The following KAT6A variants were observed in gnomAD, a reference collection of about 807,000 sequenced individuals.
The protein encoded by KAT6A is histone acetyltransferase KAT6A.
A neutral mutation model predicts 198.4 loss-of-function variants in KAT6A; 9 were observed. The ratio of observed to expected loss-of-function variants is 0.05; its 90% CI spans 0.03 to 0.08. KAT6A has a LOEUF of 0.08. Among genes scored for constraint, KAT6A ranks in the 10% least tolerant of loss-of-function variants. The pLI is 1.00. For missense variants in KAT6A, 2,077 were observed against 2,509.9 expected (o/e 0.83, Z 3.69); for synonymous variants, 890 against 883.0 (o/e 1.01, Z -0.14).
At chr8:41,960,362 G>C (rs761417465) in intron 8 of KAT6A, among the ~76,000 whole-genome samples, 1 of 151,944 alleles carries the variant, frequency 6.6e-6, no homozygotes, top group African/African-American at 2.4e-5. Flanking sequence ...GGCGGATCAC[G>C]ATCGAGACCA....
chr8:42,015,526 A>T (rs1396475261), intron 2 of KAT6A, among the ~76,000 whole-genome samples: 1 of 152,242 alleles, frequency 6.6e-6, no homozygotes, highest in Non-Finnish European at 1.5e-5. Flanking sequence ...CTTACAAATT[A>T]GTGATCTAGA....
Position 42,004,111 on chromosome 8 carries a change from G to C in KAT6A, c.601-16548C>G, listed in dbSNP as rs182685440. On this transcript the variant is annotated intron_variant, in intron 2 of 16. Transcript: ENST00000265713. ...ATCTTTAGTATTTATTGTGTATAAGGATATTTAGTTAGGTGCTAGAGAAAC... is the reference window on the plus strand; with the variant it reads ...ATCTTTAGTATTTATTGTGTATAAGCATATTTAGTTAGGTGCTAGAGAAAC... Among the ~76,000 whole-genome samples, 97 of 152,216 alleles carry C rather than the reference G, an allele frequency of 6.4e-4. 1 individual carries two copies. The highest frequency in any genetic ancestry group is 1.2e-3 in the Admixed American group (19 of 15,292).
At chr8:41,940,788 G>A (rs960598832) in intron 15 of KAT6A, 54 bp downstream of exon 15, 2 of 1,558,292 alleles carry the variant, frequency 1.3e-6, no homozygotes, top group East Asian at 4.5e-5. Context: ...AAACGAGAAG[G>A]TGTAAGATAA....
chr8:42,039,555 AT>A (rs1827537901), intron 2 of KAT6A, among the ~76,000 whole-genome samples: 1 of 152,190 alleles, frequency 6.6e-6, no homozygotes, highest in African/African-American at 2.4e-5. Flanking sequence ...AGTTCCTGTT[AT>A]GTATTTGCTC....
intron 2 of KAT6A, among the ~76,000 whole-genome samples, chr8:42,031,037 AAG>A (rs1491182505): frequency 1.1e-5 from 1 of 93,442 alleles, no homozygotes; most frequent in Non-Finnish European, 2.3e-5. Flanking sequence ...AAAAAAAAAA[AAG>A]GGGGGGGGGA....
chr8:42,037,668 T>C (rs1010463951), intron 2 of KAT6A, among the ~76,000 whole-genome samples: 7 of 149,456 alleles, frequency 4.7e-5, no homozygotes, highest in South Asian at 2.1e-4. Flanking sequence ...AAGAAGCAAC[T>C]ATCTTCTTTA....
rs1177917538 is a variant in KAT6A at position 41,947,931 on chromosome 8, C to G, written c.1741-19G>C. ...CATCAACCTAGAGAAATAAACAGAA[C>G]AAAACAGTCAGTAGAGGGTCTCTTT... On this transcript the variant is annotated intron_variant, in intron 10 of 16. Transcript: ENST00000265713. 2 of 1,569,738 alleles carry G rather than the reference C, an allele frequency of 1.3e-6. No individual in the cohort carries two copies. Among genetic ancestry groups the G allele is most frequent in the Non-Finnish European group, 1.7e-6 (2 of 1,162,482 alleles).
In KAT6A at chr8:41,978,758, T is replaced by C. The variant is rs755643481; in HGVS notation, c.927A>G (p.Ile309Met). The change falls in exon 6 of 17, where the codon ATA becomes ATG. Residue 309 changes from isoleucine (I) to methionine (M), a missense_variant. Ile to Met is a conservative substitution (Grantham distance 10). Coordinates refer to ENST00000265713, the MANE Select transcript of KAT6A (RefSeq NM_006766.5). ...RMPKGMWICQ[I>M]CRPRKKGRKL... Reference sequence around the variant, plus strand: ...TTCGTCCTTTTTTCCTAGGTCGACATATTTGACATATCCACATGCCTATAA... The same window carrying C: ...TTCGTCCTTTTTTCCTAGGTCGACACATTTGACATATCCACATGCCTATAA... The C allele has an allele frequency of 5.2e-5, 84 of 1,613,754 alleles. No individual in the cohort carries two copies. Among genetic ancestry groups the C allele is most frequent in the Non-Finnish European group, 6.9e-5 (81 of 1,179,870 alleles).
intron 2 of KAT6A, among the ~76,000 whole-genome samples, chr8:41,999,485 CTCTT>C (rs1305496248): frequency 3.9e-5 from 6 of 152,248 alleles, no homozygotes; most frequent in African/African-American, 1.2e-4. Flanking sequence ...ACTCCCTCTA[CTCTT>C]TCTTTGACTT....
intron 8 of KAT6A, among the ~76,000 whole-genome samples, chr8:41,968,861 GT>G (rs1823639478): frequency 6.6e-6 from 1 of 152,022 alleles, no homozygotes; most frequent in Non-Finnish European, 1.5e-5. Context: ...ATGGAACACA[GT>G]ACTAGGCAAA....
At chr8:41,939,565 C>T (rs185270273) in intron 15 of KAT6A, among the ~76,000 whole-genome samples, 18 of 152,292 alleles carry the variant, frequency 1.2e-4, no homozygotes, top group East Asian at 5.8e-4. Flanking sequence ...TATATGCCAA[C>T]AGGTACCCTT....
intron 2 of KAT6A, among the ~76,000 whole-genome samples, chr8:41,990,988 C>CCT (rs1456123409): frequency 2.0e-5 from 2 of 98,918 alleles, no homozygotes; most frequent in Non-Finnish European, 3.7e-5. Context: ...GGGCGAGACT[C>CCT]CGTCTCAAAA....
rs909750210 is a variant in KAT6A, at chr8:41,987,652, C to G, written c.601-89G>C. On this transcript the variant is annotated intron_variant, in intron 2 of 16. Coordinates refer to ENST00000265713, the MANE Select transcript of KAT6A (RefSeq NM_006766.5). ...TCAAAATTATAGTTTTAAATTCCTA[C>G]CAGAGTAAGTTTAGGACAATTGTAT... 3.9e-5 allele frequency: 32 copies of G among 829,120 alleles called. 1 individual carries two copies. Among genetic ancestry groups the G allele is most frequent in the Admixed American group, 1.1e-4 (5 of 46,784 alleles). The allele number at this position is 829,120 out of a possible 1,614,324, so 51.4% of individuals were successfully genotyped here.
Position 41,934,616 on chromosome 8 carries a change from G to T in KAT6A, c.3604C>A (p.Pro1202Thr). 6.2e-7 allele frequency: 1 copy of T among 1,613,982 alleles called. No homozygotes were observed. The highest frequency in any genetic ancestry group is 2.2e-5 in the East Asian group (1 of 44,868). Residue 1202 changes from proline to threonine, a missense_variant, in exon 17 of 17, where the codon CCC becomes ACC. Pro to Thr is a conservative substitution (Grantham distance 38). Around this residue, in one of 13 missense-constraint regions of KAT6A, gnomAD observed 375 missense variants for 383.0 expected, o/e 0.98. Coordinates refer to ENST00000265713, the MANE Select transcript of KAT6A (RefSeq NM_006766.5). ...GTTTCTTCACTCTCCTGGATCTTGGGTTTACGTCCAGCTTTAGGAATGGAA... is the reference window on the plus strand; with the variant it reads ...GTTTCTTCACTCTCCTGGATCTTGGTTTTACGTCCAGCTTTAGGAATGGAA... ...IVSIPKAGRK[P>T]KIQESEETVE...
At position 41,946,667 on chromosome 8, in the gene KAT6A, C is replaced by T; in HGVS notation, c.1920G>A (p.Gln640=). The part of the protein sequence containing the change: ...GYFSKEKHCQ[Q]KYNVSCIMIL... ...TCATTATACAGGAAACATTGTACTT[C>T]TGTTGGCAGTGCTTTTCCTGGTGGA... The change falls in exon 12 of 17, where the codon CAG becomes CAA. Residue 640 remains glutamine, a synonymous_variant. Coordinates refer to ENST00000265713, the MANE Select transcript of KAT6A (RefSeq NM_006766.5). The T allele has an allele frequency of 3.1e-6, 5 of 1,602,798 alleles. No homozygotes were observed. Among genetic ancestry groups the T allele is most frequent in the Non-Finnish European group, 4.3e-6 (5 of 1,169,850 alleles).
chr8:41,941,343 C>G lies in KAT6A; in HGVS notation c.2538G>C (p.Leu846Phe), dbSNP rs1227643919. 1.9e-6 allele frequency: 3 copies of G among 1,612,988 alleles called. No individual in the cohort carries two copies. The change falls in exon 15 of 17, where the codon TTG becomes TTC. Residue 846 changes from leucine to phenylalanine, a missense_variant. Physicochemically the swap from Leu to Phe is conservative, Grantham distance 22. Transcript: ENST00000265713. ...EVMAPVSSTR[L>F]SKQVLPHDSL... is the part of the protein sequence containing the mutation. The stretch of plus-strand genomic sequence containing the variant: ...TATCATGAGGAAGGACTTGTTTGCT[C>G]AAACGTGTAGAACTGACTGGAGCCA...
intron 8 of KAT6A, among the ~76,000 whole-genome samples, chr8:41,968,761 C>T (rs1445808003): frequency 6.6e-6 from 1 of 152,050 alleles, no homozygotes. Context: ...AATTCTAGAA[C>T]AAAAACCTAT....
At chr8:41,939,540 A>G (rs907383707) in intron 15 of KAT6A, among the ~76,000 whole-genome samples, 13 of 152,122 alleles carry the variant, frequency 8.5e-5, no homozygotes, top group African/African-American at 3.1e-4. Flanking sequence ...CAGCTTCCCT[A>G]TACATACTGA....
chr8:42,048,467 T>C lies in KAT6A; in HGVS notation c.511A>G (p.Thr171Ala), dbSNP rs759823320. The change falls in exon 2 of 17, where the codon ACT becomes GCT. Residue 171 changes from threonine to alanine, a missense_variant. Thr to Ala is a moderately conservative substitution (Grantham distance 58). Transcript: ENST00000265713. ...LKDGPLYRLN[T>A]KATNVDGKES... ...TTCCCATCCACGTTGGTTGCTTTAG[T>C]GTTGAGCCGATAAAGAGGTCCATCT... 4 of 1,614,164 alleles carry C rather than the reference T, an allele frequency of 2.5e-6. No individual in the cohort carries two copies. The highest frequency in any genetic ancestry group is 4.5e-5 in the East Asian group (2 of 44,880).
Sources: gnomAD v4.1 joint callset for allele counts (sites outside exome capture counted in the v4.1 genomes callset) on GRCh38, gnomAD v4.1.1 for gene constraint, gnomAD v4.1.1 regional missense constraint, MANE v1.5 for transcripts, NCBI Gene and HGNC (gene_info 2026-07-23, HGNC 2026-07-21) for gene names.